Variants in ATP8B2 observed in about 807,000 individuals in gnomAD.
ATP8B2 encodes the protein ATPase phospholipid transporting 8B2.
Under a neutral mutation model 133.4 loss-of-function variants are expected in ATP8B2, and 70 were observed. The observed-to-expected ratio is 0.52, with a 90% CI of 0.43 to 0.64. ATP8B2 has a LOEUF of 0.64. Among genes scored for constraint, ATP8B2 ranks in the 30% least tolerant of loss-of-function variants. The pLI, the probability that ATP8B2 is intolerant of heterozygous loss-of-function variation, is 0.00. For missense variants in ATP8B2, 1,101 were observed against 1,535.7 expected (o/e 0.72, Z 4.73); for synonymous variants, 517 against 589.5 (o/e 0.88, Z 1.78).
chr1:154,329,987 T>C (rs1294696365), intron 2 of ATP8B2, among the ~76,000 whole-genome samples: 1 of 152,080 alleles, frequency 6.6e-6, no homozygotes, highest in African/African-American at 2.4e-5. Context: ...AGATCTGCAG[T>C]GGTCCCCAGG....
chr1:154,344,231 G>T lies in ATP8B2; in HGVS notation c.2012G>T (p.Trp671Leu). 1 of 1,614,190 alleles carries T rather than the reference G, an allele frequency of 6.2e-7. No individual in the cohort carries two copies. The highest frequency in any genetic ancestry group is 1.1e-5 in the South Asian group (1 of 91,078). ...CTGACACTGGCCAACATCAAGATTT[G>T]GGTGCTAACCGGAGACAAGCAAGGT... is the stretch of plus-strand genomic sequence containing the variant. ...ALLTLANIKI[W>L]VLTGDKQETA... Residue 671 changes from tryptophan to leucine, a missense_variant, in exon 19 of 28, where the codon TGG becomes TTG. Trp to Leu is a moderately conservative substitution (Grantham distance 61). Coordinates refer to ENST00000368489, the MANE Select transcript of ATP8B2 (RefSeq NM_001370597.1). The surrounding 1 kb of genome is among the most constrained non-coding windows in gnomAD (Gnocchi z 4.1).
In ATP8B2 at chr1:154,343,588, G is replaced by T. The variant is rs935432060; in HGVS notation, c.1758+20G>T. The T allele has an allele frequency of 6.2e-7, 1 of 1,606,758 alleles. No individual in the cohort carries two copies. Among genetic ancestry groups the T allele is most frequent in the Admixed American group, 1.7e-5 (1 of 59,984 alleles). ...CTTAATGTGGGTGTGAGGAGAGGAG[G>T]GGCCAGCCTGGGGGGTTCTACTCTT... On this transcript the variant is annotated intron_variant, in intron 17 of 27. Transcript: ENST00000368489. This position sits in a 1 kb window ranked among gnomAD's most constrained non-coding sequence, Gnocchi z 5.8.
chr1:154,340,880 G>A lies in ATP8B2; in HGVS notation c.1061G>A (p.Ser354Asn). The change falls in exon 13 of 28, where the codon AGC (serine) becomes AAC (asparagine). Residue 354 changes from serine to asparagine, a missense_variant. Physicochemically the swap from Ser to Asn is conservative, Grantham distance 46. Transcript: ENST00000368489. The surrounding 1 kb of genome is among the most constrained non-coding windows in gnomAD (Gnocchi z 4.0). ...VSVEVIRLGH[S>N]YFINWDKKMF... is the part of the protein sequence containing the mutation. ...GTGGAGGTCATCCGTCTGGGCCACA[G>A]CTACTTCATCAACTGGGATAAGAAG... The A allele has an allele frequency of 1.9e-6, 3 of 1,614,188 alleles. No individual in the cohort carries two copies. The East Asian group carries it at 6.7e-5, about 36-fold the overall frequency.
Position 154,343,793 on chromosome 1 carries a change from C to A in ATP8B2, c.1759-100C>A. 2.9e-6 allele frequency: 4 copies of A among 1,381,508 alleles called. No homozygotes were observed. The highest frequency in any genetic ancestry group is 3.9e-6 in the Non-Finnish European group (4 of 1,014,454). 85.6% of individuals were successfully genotyped at this position (1,381,508 alleles called of 1,614,324 possible). A position where few individuals can be genotyped will look rare whatever the true frequency, so the allele number is the denominator to read the frequency against. ...GACAGTCCCTAACTGTGGAATGTGG[C>A]ACACACCCAGTCTACAGTGCAGGAT... is the stretch of plus-strand genomic sequence containing the variant. On this transcript the variant is annotated intron_variant, in intron 17 of 27. Coordinates refer to ENST00000368489, the MANE Select transcript of ATP8B2 (RefSeq NM_001370597.1). This position sits in a 1 kb window ranked among gnomAD's most constrained non-coding sequence, Gnocchi z 5.8.
chr1:154,329,141 C>G (rs1685896972), intron 2 of ATP8B2: 1 of 1,197,148 alleles, frequency 8.4e-7, no homozygotes, highest in South Asian at 1.5e-5. Flanking sequence ...TCCCTACATT[C>G]ACTTGTCCCC....
At chr1:154,337,650 T>G (rs761264898) in intron 12 of ATP8B2, 106 bp downstream of exon 12, 3 of 1,612,854 alleles carry the variant, frequency 1.9e-6, no homozygotes, top group East Asian at 2.2e-5. Flanking sequence ...AGAAGTCCTC[T>G]TCTTCCTGTA....
In ATP8B2 at chr1:154,331,920, C is replaced by T. The variant is rs761512213; in HGVS notation, c.439-34C>T. 5 of 1,593,262 alleles carry T rather than the reference C, an allele frequency of 3.1e-6. No individual in the cohort carries two copies. The East Asian group carries it at 1.1e-4, about 36-fold the overall frequency. ...ACAGCCCACTGGGGGTGGAGGTTTG[C>T]ATATTTGGACTTCTCATTAGTTTTT... On this transcript the variant is annotated intron_variant, in intron 7 of 27. Coordinates refer to ENST00000368489, the MANE Select transcript of ATP8B2 (RefSeq NM_001370597.1). The surrounding 1 kb of genome is among the most constrained non-coding windows in gnomAD (Gnocchi z 4.8).
chr1:154,341,853 C>T (rs888486045), intron 13 of ATP8B2: 1 of 153,986 alleles, frequency 6.5e-6, no homozygotes, highest in Non-Finnish European at 1.4e-5. Flanking sequence ...ATGCCCTGAC[C>T]CTGGTCTCAG....
At chr1:154,342,441 C>G in intron 13 of ATP8B2, 39 bp from the exon 14 acceptor site, 1 of 1,605,802 alleles carries the variant, frequency 6.2e-7, no homozygotes, top group East Asian at 2.2e-5. Context: ...AGCTCTCTGG[C>G]TCTGACATTG....
At chr1:154,342,687 T>A in intron 14 of ATP8B2, 109 bp from the exon 15 acceptor site, 1 of 1,474,814 alleles carries the variant, frequency 6.8e-7, no homozygotes, top group South Asian at 1.2e-5. Flanking sequence ...AATTTTGAGG[T>A]CCACCGTGGA....
chr1:154,337,051 A>G (rs529295705), intron 11 of ATP8B2, among the ~76,000 whole-genome samples: 1 of 150,288 alleles, frequency 6.7e-6, no homozygotes, highest in African/African-American at 2.4e-5. Context: ...ATCCGCCTCA[A>G]CCTCCCAAAA....
In ATP8B2 at chr1:154,326,168, A is replaced by C. The variant is rs558080815; in HGVS notation, c.-38+466A>C. On this transcript the variant is annotated intron_variant, in intron 1 of 27. Transcript: ENST00000368489. ...AAAACTGAGGGTGTCAGGAAGGGGC[A>C]GTAGCTCTGGGAGATGATAGCTGTG... Among the ~76,000 whole-genome samples, 4 of 152,216 alleles carry C rather than the reference A, an allele frequency of 2.6e-5. No homozygotes were observed. The South Asian group carries it at 8.3e-4, about 32-fold the overall frequency.
rs956288283 is a variant in ATP8B2 at position 154,331,161 on chromosome 1, T to G, written c.303+15T>G. 6.2e-7 allele frequency: 1 copy of G among 1,608,510 alleles called. No homozygotes were observed. Among genetic ancestry groups the G allele is most frequent in the Admixed American group, 1.7e-5 (1 of 59,990 alleles). On this transcript the variant is annotated intron_variant, in intron 5 of 27. Transcript: ENST00000368489. The surrounding 1 kb of genome is among the most constrained non-coding windows in gnomAD (Gnocchi z 4.8). ...CTGATGACTATGTGAGTGGTTTTCA[T>G]TCTTCTATTTTGTCCCAGTCACCCA...
chr1:154,337,580 AG>A, intron 12 of ATP8B2, 36 bp downstream of exon 12: 2 of 1,614,138 alleles, frequency 1.2e-6, no homozygotes, highest in Non-Finnish European at 1.7e-6. Flanking sequence ...CTCTCCAGGG[AG>A]TCAGGCGGTC....
intron 1 of ATP8B2, among the ~76,000 whole-genome samples, chr1:154,326,600 C>T (rs1205859046): frequency 1.3e-5 from 2 of 152,190 alleles, no homozygotes; most frequent in South Asian, 2.1e-4. Context: ...ATGGCCCCCC[C>T]AGAGGGGATG....
At chr1:154,329,094 T>C in intron 2 of ATP8B2, 1 of 1,283,354 alleles carries the variant, frequency 7.8e-7, no homozygotes, top group Non-Finnish European at 1.0e-6. Context: ...AGGCAGCGCC[T>C]GGCAGCTCTC....
chr1:154,328,673 C>T lies in ATP8B2; in HGVS notation c.31+501C>T, dbSNP rs926772520. 3.1e-6 allele frequency: 2 copies of T among 648,456 alleles called. No individual in the cohort carries two copies. Among genetic ancestry groups the T allele is most frequent in the African/African-American group, 3.9e-5 (2 of 51,086 alleles). The allele number at this position is 648,456 out of a possible 1,614,324, so 40.2% of individuals were successfully genotyped here. A position where few individuals can be genotyped will look rare whatever the true frequency, so the allele number is the denominator to read the frequency against. On this transcript the variant is annotated intron_variant, in intron 2 of 27. Transcript: ENST00000368489. The surrounding 1 kb of genome is among the most constrained non-coding windows in gnomAD (Gnocchi z 4.6). Reference sequence around the variant, plus strand: ...TTCGCCTACGCGGCGCGCTGGCAGGCTGCGGCTCCTGCAGTCGGGGAGCGG... The same window carrying T: ...TTCGCCTACGCGGCGCGCTGGCAGGTTGCGGCTCCTGCAGTCGGGGAGCGG...
At position 154,342,493 on chromosome 1, in the gene ATP8B2, C is replaced by T. The variant is rs376489334; in HGVS notation, c.1257C>T (p.Asp419=). ...INGHSYGDVF[D]VLGHKAELGE... ...GGCTGTATGTAGGTGATGTGTTTGA[C>T]GTCCTGGGACACAAAGCTGAATTGG... The change falls in exon 14 of 28, where the codon GAC becomes GAT. Residue 419 remains aspartate (D), a synonymous_variant. Coordinates refer to ENST00000368489, the MANE Select transcript of ATP8B2 (RefSeq NM_001370597.1). 1.5e-5 allele frequency: 24 copies of T among 1,613,702 alleles called. No individual in the cohort carries two copies. The highest frequency in any genetic ancestry group is 5.0e-5 in the Admixed American group (3 of 59,982).
Position 154,344,733 on chromosome 1 carries a change from T to C in ATP8B2, c.2234T>C (p.Val745Ala), listed in dbSNP as rs1016384256. The C allele has an allele frequency of 3.7e-6, 6 of 1,610,520 alleles. No individual in the cohort carries two copies. The highest frequency in any genetic ancestry group is 3.3e-4 in the Middle Eastern group (2 of 6,074). ...CTTTCTTCTTCCAAGCTAACTTCTG[T>C]CCTGGAGGCCGTTGCTGGGGAGTAC... is the stretch of plus-strand genomic sequence containing the variant. ...DKLSSSKLTS[V>A]LEAVAGEYAL... The change falls in exon 21 of 28, where the codon GTC becomes GCC. Residue 745 changes from valine (V) to alanine (A), a missense_variant. Coordinates refer to ENST00000368489, the MANE Select transcript of ATP8B2 (RefSeq NM_001370597.1). The surrounding 1 kb of genome is among the most constrained non-coding windows in gnomAD (Gnocchi z 4.1).
Sources: allele counts gnomAD v4.1 joint callset (sites outside exome capture counted in the v4.1 genomes callset), GRCh38; gene constraint gnomAD v4.1.1; non-coding constraint Gnocchi (gnomAD v3.1); transcripts MANE v1.5; gene names NCBI Gene and HGNC (gene_info 2026-07-23, HGNC 2026-07-21).